Variants in CARMIL1 observed in about 807,000 individuals in gnomAD.
The protein encoded by CARMIL1 is F-actin-uncapping protein LRRC16A.
Under a neutral mutation model 177.1 loss-of-function variants are expected in CARMIL1, and 90 were observed. The ratio of observed to expected loss-of-function variants is 0.51; its 90% CI spans 0.43 to 0.61. The LOEUF (loss-of-function observed/expected upper bound fraction) is 0.61. Ranked by LOEUF, CARMIL1 falls within the 20% of genes least tolerant of loss-of-function variation. CARMIL1 has a pLI of 0.00. For missense variants in CARMIL1, 1,380 were observed against 1,667.0 expected (o/e 0.83, Z 3.00); for synonymous variants, 577 against 606.2 (o/e 0.95, Z 0.71).
intron 2 of CARMIL1, among the ~76,000 whole-genome samples, chr6:25,393,712 T>TC: frequency 7.2e-6 from 1 of 139,088 alleles, no homozygotes; most frequent in East Asian, 2.0e-4. Flanking sequence ...GCTCTACAAT[T>TC]TTTTTTTTTT....
At chr6:25,606,922 A>C (rs974101091) in intron 35 of CARMIL1, among the ~76,000 whole-genome samples, 9 of 152,192 alleles carry the variant, frequency 5.9e-5, no homozygotes, top group Non-Finnish European at 8.8e-5. Flanking sequence ...CTATTAGTTT[A>C]GAAAATCTAA....
intron 1 of CARMIL1, among the ~76,000 whole-genome samples, chr6:25,282,336 G>C (rs1490453686): frequency 6.6e-6 from 1 of 152,098 alleles, no homozygotes; most frequent in African/African-American, 2.4e-5. Flanking sequence ...GGAGTGGCCT[G>C]TGCTTGTTTC....
intron 2 of CARMIL1, chr6:25,388,234 T>C (rs968442326): frequency 6.6e-6 from 1 of 152,200 alleles, no homozygotes; most frequent in Non-Finnish European, 1.5e-5. Flanking sequence ...CTGGAGAGTA[T>C]TGAAAGGCTA....
chr6:25,404,834 G>A (rs2150597841), intron 2 of CARMIL1, among the ~76,000 whole-genome samples: 1 of 140,008 alleles, frequency 7.1e-6, no homozygotes, highest in East Asian at 2.0e-4. Context: ...GGGGCACCCG[G>A]CCTGTTTCTG....
chr6:25,593,282 G>A (rs577647004), intron 31 of CARMIL1, among the ~76,000 whole-genome samples: 1 of 152,194 alleles, frequency 6.6e-6, no homozygotes, highest in South Asian at 2.1e-4. Context: ...TTTGATTTCA[G>A]CTCCTGAACA....
At position 25,619,726 on chromosome 6, in the gene CARMIL1, C is replaced by A; in HGVS notation, c.*143C>A. 1.8e-6 allele frequency: 1 copy of A among 557,526 alleles called. No homozygotes were observed. The allele number at this position is 557,526 out of a possible 1,614,324, so 34.5% of individuals were successfully genotyped here. ...TTCTTTATTTCGCCCCCACCCCCAT[C>A]CCCTGCCTTTTTTTTTTTTTTTTTT... On this transcript the variant is annotated 3_prime_UTR_variant, in exon 37 of 37. Coordinates refer to ENST00000329474, the MANE Select transcript of CARMIL1 (RefSeq NM_017640.6).
chr6:25,345,666 G>A (rs1291642865), intron 2 of CARMIL1, among the ~76,000 whole-genome samples: 1 of 152,154 alleles, frequency 6.6e-6, no homozygotes. Context: ...GCCCAGGCTT[G>A]AGTGCAGTGG....
intron 2 of CARMIL1, among the ~76,000 whole-genome samples, chr6:25,344,769 A>G (rs1787319659): frequency 6.6e-6 from 1 of 152,040 alleles, no homozygotes; most frequent in Non-Finnish European, 1.5e-5. Context: ...GTCTGTGCCC[A>G]TGCTCCCACC....
chr6:25,371,551 A>G (rs1790431333), intron 2 of CARMIL1, among the ~76,000 whole-genome samples: 1 of 152,104 alleles, frequency 6.6e-6, no homozygotes, highest in Non-Finnish European at 1.5e-5. Flanking sequence ...GGCCATTTGT[A>G]TATCTTCTTT....
intron 23 of CARMIL1, among the ~76,000 whole-genome samples, chr6:25,525,397 A>C (rs1278601776): frequency 2.0e-5 from 3 of 152,170 alleles, no homozygotes; most frequent in Non-Finnish European, 4.4e-5. Flanking sequence ...TATCCTTCAA[A>C]AGTAATGGAG....
chr6:25,571,526 G>A lies in CARMIL1; in HGVS notation c.2743-9398G>A, dbSNP rs777919459. 7.2e-5 allele frequency among the ~76,000 whole-genome samples: 11 copies of A among 152,216 alleles called. No individual in the cohort carries two copies. In the East Asian group the frequency reaches 1.4e-3, roughly 19 times the overall value. On this transcript the variant is annotated intron_variant, in intron 29 of 36. Transcript: ENST00000329474. ...TACCAATAGTTGCTTAAAAATCTAC[G>A]TGGACTAAAAGTATCACCTCATAGA...
At chr6:25,459,210 T>TTTTCTTTCTTTCTTTCTTTCTTTC (rs5875042) in intron 8 of CARMIL1, among the ~76,000 whole-genome samples, 2,621 of 80,126 alleles carry the variant, frequency 0.033, 296 homozygotes, top group East Asian at 0.045. Context: ...GATCCCAACT[T>TTTTCTTTCTTTCTTTCTTTCTTTC]TTTCTTTCTT....
intron 23 of CARMIL1, among the ~76,000 whole-genome samples, chr6:25,521,719 A>G (rs911661313): frequency 1.3e-5 from 2 of 150,400 alleles, no homozygotes; most frequent in Non-Finnish European, 3.0e-5. Context: ...CAGTGAGCTG[A>G]GATCCATGCC....
chr6:25,423,878 GCTT>G (rs1323362909), intron 3 of CARMIL1, among the ~76,000 whole-genome samples: 1 of 152,160 alleles, frequency 6.6e-6, no homozygotes, highest in Non-Finnish European at 1.5e-5. Context: ...ATCTGCCTCA[GCTT>G]CTTAACTGGT....
intron 32 of CARMIL1, among the ~76,000 whole-genome samples, chr6:25,595,414 G>A (rs563378116): frequency 1.3e-5 from 2 of 152,146 alleles, no homozygotes; most frequent in South Asian, 4.1e-4. Flanking sequence ...GGTGGCAGTG[G>A]GTTAAATTTT....
At chr6:25,595,969 G>A (rs1040170830) in intron 32 of CARMIL1, among the ~76,000 whole-genome samples, 1 of 152,072 alleles carries the variant, frequency 6.6e-6, no homozygotes, top group Admixed American at 6.6e-5. Context: ...AGAAAATCTC[G>A]ACTCATCTCC....
chr6:25,282,997 A>G lies in CARMIL1; in HGVS notation c.41-1815A>G, dbSNP rs372679676. Among the ~76,000 whole-genome samples, 9 of 152,350 alleles carry G rather than the reference A, an allele frequency of 5.9e-5. No homozygotes were observed. In the South Asian group the frequency reaches 1.0e-3, roughly 18 times the overall value. On this transcript the variant is annotated intron_variant, in intron 1 of 36. Transcript: ENST00000329474. Reference sequence around the variant, plus strand: ...GTGAATAGACCAAAATGATTATAATACAGAATACAGAGGTATGGGAGCATA... The same window carrying G: ...GTGAATAGACCAAAATGATTATAATGCAGAATACAGAGGTATGGGAGCATA...
In CARMIL1 at chr6:25,445,940, G is replaced by T. The variant is rs569225032; in HGVS notation, c.372-3958G>T. Among the ~76,000 whole-genome samples, 6 of 152,260 alleles carry T rather than the reference G, an allele frequency of 3.9e-5. No individual in the cohort carries two copies. The East Asian group carries it at 1.2e-3, about 29-fold the overall frequency. On this transcript the variant is annotated intron_variant, in intron 5 of 36. Transcript: ENST00000329474. Reference sequence around the variant, plus strand: ...ACTTCTCCATCAGAACTCTTGTGTGGCCAGGTGCATTGTTAATGAGCAGTA... The same window carrying T: ...ACTTCTCCATCAGAACTCTTGTGTGTCCAGGTGCATTGTTAATGAGCAGTA...
intron 2 of CARMIL1, among the ~76,000 whole-genome samples, chr6:25,310,199 C>T (rs1783681647): frequency 6.6e-6 from 1 of 152,116 alleles, no homozygotes; most frequent in African/African-American, 2.4e-5. Flanking sequence ...CTCTGATCCC[C>T]TAGATGTCTT....
Sources: gnomAD v4.1 joint callset for allele counts (sites outside exome capture counted in the v4.1 genomes callset) on GRCh38, gnomAD v4.1.1 for gene constraint, MANE v1.5 for transcripts, NCBI Gene and HGNC (gene_info 2026-07-23, HGNC 2026-07-21) for gene names.